The following WDR7 variants were observed in gnomAD, a reference collection of about 807,000 sequenced individuals.
WDR7 encodes WD repeat-containing protein 7.
In WDR7, 46 loss-of-function variants were observed where a neutral mutation model predicts 169.4. The observed-to-expected ratio is 0.27, with a 90% CI of 0.21 to 0.35. The LOEUF (loss-of-function observed/expected upper bound fraction) is 0.35. Ranked by LOEUF, WDR7 falls within the 10% of genes least tolerant of loss-of-function variation. The pLI, the probability that WDR7 is intolerant of heterozygous loss-of-function variation, is 1.00. For synonymous variants in WDR7, 612 were observed against 666.8 expected (o/e 0.92, Z 1.27); for missense variants, 1,534 against 1,859.3 (o/e 0.83, Z 3.22).
intron 16 of WDR7, among the ~76,000 whole-genome samples, chr18:56,776,497 AGTT>A (rs1355551579): frequency 2.0e-5 from 3 of 152,080 alleles, no homozygotes; most frequent in African/African-American, 7.2e-5. Flanking sequence ...TGATGGCTCT[AGTT>A]GTTTTAGAGC....
intron 27 of WDR7, among the ~76,000 whole-genome samples, chr18:57,025,698 T>A (rs1461777972): frequency 6.6e-6 from 1 of 152,218 alleles, no homozygotes; most frequent in African/African-American, 2.4e-5. Context: ...ATGATTTAAA[T>A]TGTGAAAATG....
intron 7 of WDR7, among the ~76,000 whole-genome samples, chr18:56,688,654 G>T: frequency 6.6e-6 from 1 of 151,894 alleles, no homozygotes; most frequent in East Asian, 1.9e-4. Flanking sequence ...ACTTGAGCCC[G>T]GGAGGCAGAG....
At chr18:56,825,669 G>T (rs532363958) in intron 20 of WDR7, among the ~76,000 whole-genome samples, 9 of 152,182 alleles carry the variant, frequency 5.9e-5, no homozygotes, top group Admixed American at 2.6e-4. Flanking sequence ...AGAGAAAAAA[G>T]AAACACATAT....
intron 26 of WDR7, among the ~76,000 whole-genome samples, chr18:57,017,511 G>GTA (rs1483005172): frequency 8.8e-6 from 1 of 114,078 alleles, no homozygotes; most frequent in African/African-American, 2.7e-5. Flanking sequence ...GTGTGTGTGT[G>GTA]TGTGTGTGTG....
At chr18:56,932,397 C>A (rs1455848097) in intron 22 of WDR7, among the ~76,000 whole-genome samples, 1 of 152,194 alleles carries the variant, frequency 6.6e-6, no homozygotes, top group African/African-American at 2.4e-5. Flanking sequence ...TCTAGACCCA[C>A]CACCCAGCAC....
intron 24 of WDR7, among the ~76,000 whole-genome samples, 159 bp downstream of exon 24, chr18:56,938,841 G>GTGTGTGTA (rs1555714444): frequency 9.3e-5 from 14 of 150,924 alleles, no homozygotes; most frequent in African/African-American, 3.5e-4. Context: ...GTGTGTGTGT[G>GTGTGTGTA]TAAGAGAGAG....
chr18:57,005,445 T>C (rs534139382), intron 26 of WDR7, among the ~76,000 whole-genome samples: 1 of 152,226 alleles, frequency 6.6e-6, no homozygotes, highest in Admixed American at 6.5e-5. Flanking sequence ...AAAAATAAAA[T>C]AGTGCATAGG....
chr18:56,738,796 TCC>T (rs2026758738), intron 14 of WDR7, among the ~76,000 whole-genome samples: 1 of 98,562 alleles, frequency 1.0e-5, no homozygotes, highest in Non-Finnish European at 2.0e-5. Context: ...TAGCATAAAA[TCC>T]TTTTTTTTTT....
chr18:57,022,516 T>A (rs377156411), intron 27 of WDR7, among the ~76,000 whole-genome samples: 206 of 152,360 alleles, frequency 1.4e-3, no homozygotes, highest in African/African-American at 4.8e-3. Context: ...TTTCCAACTT[T>A]CTTTCTGCTA....
chr18:56,815,940 G>T, intron 19 of WDR7, 91 bp from the exon 20 acceptor site: 1 of 1,001,426 alleles, frequency 1.0e-6, no homozygotes, highest in Non-Finnish European at 1.4e-6. Flanking sequence ...TTGTGTTTAT[G>T]TCCATTAAGT....
intron 16 of WDR7, among the ~76,000 whole-genome samples, chr18:56,775,611 TA>T (rs1301898837): frequency 1.3e-5 from 2 of 152,188 alleles, no homozygotes; most frequent in Admixed American, 6.6e-5. Flanking sequence ...TAAAGAATTA[TA>T]ATTTCCTAGA....
chr18:56,998,695 G>A (rs1288900260), intron 26 of WDR7, among the ~76,000 whole-genome samples: 1 of 152,088 alleles, frequency 6.6e-6, no homozygotes, highest in Non-Finnish European at 1.5e-5. Flanking sequence ...TTATACAAAA[G>A]CAAGTCACTA....
At chr18:56,962,912 G>T (rs2047357310) in intron 26 of WDR7, among the ~76,000 whole-genome samples, 1 of 152,094 alleles carries the variant, frequency 6.6e-6, no homozygotes, top group South Asian at 2.1e-4. Context: ...GCAAAATGAG[G>T]TATTTCACAA....
Position 57,020,767 on chromosome 18 carries a change from C to A in WDR7, c.4187C>A (p.Pro1396Gln), listed in dbSNP as rs930932154. Residue 1396 changes from proline to glutamine, a missense_variant, in exon 27 of 28, where the codon CCA (proline) becomes CAA (glutamine). By Grantham distance (76) the Pro-to-Gln change is moderately conservative. Coordinates refer to ENST00000254442, the MANE Select transcript of WDR7 (RefSeq NM_015285.3). ...TAGACAATCCATGGACACAAGGGAC[C>A]AATCACTGCAGTGGCTTTTGCTCCT... ...KCQTIHGHKG[P>Q]ITAVAFAPDG... The A allele has an allele frequency of 1.9e-6, 3 of 1,614,136 alleles. No homozygotes were observed. The highest frequency in any genetic ancestry group is 2.2e-5 in the East Asian group (1 of 44,886).
chr18:56,991,992 T>C (rs1019318778), intron 26 of WDR7, among the ~76,000 whole-genome samples: 4 of 152,266 alleles, frequency 2.6e-5, no homozygotes. Context: ...ATTAATCATA[T>C]TAATCAATTA....
intron 12 of WDR7, 60 bp from the exon 13 acceptor site, chr18:56,717,904 C>T: frequency 6.9e-7 from 1 of 1,454,284 alleles, no homozygotes; most frequent in Admixed American, 2.5e-5. Flanking sequence ...TTATTGAAAA[C>T]AGGATCCATT....
intron 21 of WDR7, among the ~76,000 whole-genome samples, chr18:56,895,773 A>G (rs1294170930): frequency 6.6e-6 from 1 of 151,866 alleles, no homozygotes; most frequent in Non-Finnish European, 1.5e-5. Context: ...CGAGGGAACT[A>G]AAATAATATT....
At chr18:56,761,857 T>C (rs1202911928) in intron 16 of WDR7, among the ~76,000 whole-genome samples, 1 of 152,120 alleles carries the variant, frequency 6.6e-6, no homozygotes, top group Non-Finnish European at 1.5e-5. Context: ...GCAATCTTGC[T>C]GAATTCACCT....
intron 13 of WDR7, among the ~76,000 whole-genome samples, chr18:56,723,378 A>T (rs1312518508): frequency 6.6e-6 from 1 of 151,904 alleles, no homozygotes; most frequent in African/African-American, 2.4e-5. Flanking sequence ...TCTAATACTT[A>T]ATTTTTCTTT....
Sources: allele counts gnomAD v4.1 joint callset (sites outside exome capture counted in the v4.1 genomes callset), GRCh38; gene constraint gnomAD v4.1.1; transcripts MANE v1.5; gene names NCBI Gene and HGNC (gene_info 2026-07-23, HGNC 2026-07-21).